RIMS2: variants seen among roughly 807,000 people sequenced by gnomAD.
RIMS2 encodes the protein regulating synaptic membrane exocytosis protein 2.
A neutral mutation model predicts 174.4 loss-of-function variants in RIMS2; 59 were observed. The ratio of observed to expected loss-of-function variants is 0.34; its 90% CI spans 0.27 to 0.42. RIMS2 has a LOEUF of 0.42. Ranked by LOEUF, RIMS2 falls within the 10% of genes least tolerant of loss-of-function variation. RIMS2 has a pLI of 1.00. For missense variants in RIMS2, 1,620 were observed against 1,666.3 expected (o/e 0.97, Z 0.48); for synonymous variants, 606 against 572.5 (o/e 1.06, Z -0.84).
chr8:103,508,443 A>G (rs1430360965), intron 1 of RIMS2, among the ~76,000 whole-genome samples: 1 of 122,964 alleles, frequency 8.1e-6, no homozygotes, highest in East Asian at 2.4e-4. Context: ...TTGCCCCCAA[A>G]ACCTTTCATT....
chr8:103,832,052 C>T (rs1178388186), intron 3 of RIMS2, among the ~76,000 whole-genome samples: 5 of 152,108 alleles, frequency 3.3e-5, no homozygotes, highest in Admixed American at 2.6e-4. Flanking sequence ...GAAAAATGCT[C>T]CTGTTACAAA....
In RIMS2 at chr8:104,155,704, C is replaced by T. The variant is rs141966252; in HGVS notation, c.3335-89212C>T. Among the ~76,000 whole-genome samples, 1,443 of 152,104 alleles carry T rather than the reference C, an allele frequency of 9.5e-3. 23 individuals are homozygous for T. Among genetic ancestry groups the T allele is most frequent in the African/African-American group, 0.034 (1,401 of 41,494 alleles). On this transcript the variant is annotated intron_variant, in intron 19 of 23. Coordinates refer to ENST00000504942, the Ensembl canonical transcript of RIMS2. ...CTGGGATTACAGGCATGAGCCACTGCGCCGGCCTTGGGGGTGTTAGTTTCA... is the reference window on the plus strand; with the variant it reads ...CTGGGATTACAGGCATGAGCCACTGTGCCGGCCTTGGGGGTGTTAGTTTCA...
At chr8:103,569,039 G>T in intron 1 of RIMS2, 1 of 398,214 alleles carries the variant, frequency 2.5e-6, no homozygotes, top group South Asian at 3.9e-5. Flanking sequence ...AGTTAATTTT[G>T]ATGTCCAATT....
chr8:104,104,489 TAAG>T (rs975113669), intron 19 of RIMS2, among the ~76,000 whole-genome samples: 6 of 152,154 alleles, frequency 3.9e-5, no homozygotes, highest in Non-Finnish European at 8.8e-5. Flanking sequence ...CAGTGCTAAA[TAAG>T]AAGGAAGACA....
intron 1 of RIMS2, among the ~76,000 whole-genome samples, chr8:103,570,243 T>C (rs1183536410): frequency 2.0e-5 from 3 of 152,150 alleles, no homozygotes; most frequent in Non-Finnish European, 2.9e-5. Context: ...AACTCTTAGA[T>C]TGATTTTCAG....
intron 1 of RIMS2, among the ~76,000 whole-genome samples, chr8:103,689,265 G>A (rs2096981573): frequency 6.6e-6 from 1 of 151,922 alleles, no homozygotes; most frequent in South Asian, 2.1e-4. Flanking sequence ...GACTTGTTTT[G>A]TGGCCTAACT....
At chr8:104,048,252 T>C (rs971680765) in intron 19 of RIMS2, among the ~76,000 whole-genome samples, 7 of 152,126 alleles carry the variant, frequency 4.6e-5, no homozygotes, top group African/African-American at 1.7e-4. Flanking sequence ...AATAAAACTC[T>C]AATAGACAAA....
intron 3 of RIMS2, among the ~76,000 whole-genome samples, chr8:103,790,458 A>G (rs1465674716): frequency 1.4e-4 from 22 of 152,148 alleles, no homozygotes; most frequent in Non-Finnish European, 1.5e-5. Flanking sequence ...ATGATGGAAT[A>G]TTTCATTGTA....
chr8:103,838,171 G>A (rs988447504), intron 3 of RIMS2, among the ~76,000 whole-genome samples: 4 of 151,930 alleles, frequency 2.6e-5, no homozygotes, highest in Non-Finnish European at 5.9e-5. Flanking sequence ...GTCTCAAACT[G>A]CTGAGCTCAA....
intron 19 of RIMS2, among the ~76,000 whole-genome samples, chr8:104,138,819 T>G (rs1385268590): frequency 6.6e-6 from 1 of 152,184 alleles, no homozygotes; most frequent in Non-Finnish European, 1.5e-5. Flanking sequence ...GCTTGTGAGG[T>G]ATTACTCGAG....
At chr8:104,152,724 T>G (rs998016839) in intron 19 of RIMS2, among the ~76,000 whole-genome samples, 3 of 152,112 alleles carry the variant, frequency 2.0e-5, no homozygotes, top group Non-Finnish European at 4.4e-5. Flanking sequence ...ATATAAGATG[T>G]ATTGAGTAAC....
intron 19 of RIMS2, among the ~76,000 whole-genome samples, chr8:104,060,409 T>C (rs1425508845): frequency 6.6e-6 from 1 of 151,956 alleles, no homozygotes; most frequent in Non-Finnish European, 1.5e-5. Flanking sequence ...GTGGGATCGG[T>C]GGTGATATCC....
At chr8:104,213,343 C>G (rs572867654) in intron 19 of RIMS2, among the ~76,000 whole-genome samples, 2 of 152,050 alleles carry the variant, frequency 1.3e-5, no homozygotes, top group Non-Finnish European at 2.9e-5. Context: ...CTGTGACTTC[C>G]CCAAATTCCT....
At chr8:103,622,474 T>C (rs2095659179) in intron 1 of RIMS2, among the ~76,000 whole-genome samples, 1 of 152,158 alleles carries the variant, frequency 6.6e-6, no homozygotes, top group Admixed American at 6.5e-5. Flanking sequence ...TTATCTTTCC[T>C]GTCTCTATTT....
At chr8:104,122,451 C>G (rs1599390901) in intron 19 of RIMS2, among the ~76,000 whole-genome samples, 1 of 152,046 alleles carries the variant, frequency 6.6e-6, no homozygotes, top group Admixed American at 6.6e-5. Flanking sequence ...ATTCAGGCTT[C>G]CCTCTTGACC....
chr8:103,640,839 T>A (rs1589544798), intron 1 of RIMS2, among the ~76,000 whole-genome samples: 2 of 152,142 alleles, frequency 1.3e-5, no homozygotes, highest in East Asian at 3.8e-4. Flanking sequence ...TGTTGTTGGA[T>A]GAAGCATTAT....
intron 3 of RIMS2, among the ~76,000 whole-genome samples, chr8:103,846,349 G>C (rs554984615): frequency 4.6e-5 from 7 of 152,242 alleles, no homozygotes; most frequent in African/African-American, 1.7e-4. Flanking sequence ...TAAATTGTAA[G>C]GGAATGGAGT....
intron 19 of RIMS2, among the ~76,000 whole-genome samples, chr8:104,028,042 C>T (rs926250622): frequency 6.6e-6 from 1 of 151,948 alleles, no homozygotes; most frequent in South Asian, 2.1e-4. Flanking sequence ...CTGATTCTCA[C>T]ACCTCAGCCT....
intron 1 of RIMS2, among the ~76,000 whole-genome samples, chr8:103,592,339 G>GTTTATTA (rs934951943): frequency 6.6e-6 from 1 of 151,008 alleles, no homozygotes; most frequent in Non-Finnish European, 1.5e-5. Context: ...ATTTCAGAGT[G>GTTTATTA]TTTATTATTG....
Sources: gnomAD v4.1 joint callset for allele counts (sites outside exome capture counted in the v4.1 genomes callset) on GRCh38, gnomAD v4.1.1 for gene constraint, MANE v1.5 for transcripts, NCBI Gene and HGNC (gene_info 2026-07-23, HGNC 2026-07-21) for gene names.